The following TAF4 variants were observed in gnomAD, a reference collection of about 807,000 sequenced individuals.
TAF4 encodes transcription initiation factor TFIID subunit 4.
TAF4 carries 9 observed loss-of-function variants against 90.3 expected under a neutral mutation model. The observed-to-expected ratio is 0.10, with a 90% CI of 0.06 to 0.17. TAF4 has a LOEUF of 0.17. TAF4 is among the 10% of genes least tolerant of loss of function. The pLI, the probability that TAF4 is intolerant of heterozygous loss-of-function variation, is 1.00. For synonymous variants in TAF4, 818 were observed against 638.9 expected (o/e 1.28, Z -4.23); for missense variants, 1,351 against 1,370.7 (o/e 0.99, Z 0.23).
chr20:62,063,537 G>T (rs986590548), intron 1 of TAF4, among the ~76,000 whole-genome samples: 1 of 152,208 alleles, frequency 6.6e-6, no homozygotes, highest in Non-Finnish European at 1.5e-5. Context: ...GAGTCGCAGA[G>T]ACAGCAGACT....
rs539647190 is a variant in TAF4, at chr20:62,048,487, C to T, written c.1360+15964G>A. Among the ~76,000 whole-genome samples, 11 of 152,214 alleles carry T rather than the reference C, an allele frequency of 7.2e-5. No homozygotes were observed. In the South Asian group the frequency reaches 1.7e-3, roughly 23 times the overall value. The stretch of plus-strand genomic sequence containing the variant: ...CCTCCTGTCCCCAGGGTGGACCCTG[C>T]TCTTCCCCTAACAGAGGTGCTCCCA... On this transcript the variant is annotated intron_variant, in intron 1 of 14. Transcript: ENST00000252996.
chr20:62,059,706 A>G (rs2145522947), intron 1 of TAF4, among the ~76,000 whole-genome samples: 1 of 152,376 alleles, frequency 6.6e-6, no homozygotes, highest in Middle Eastern at 3.4e-3. Flanking sequence ...CACCCTAAAC[A>G]GCAACTGTTT....
At position 62,065,035 on chromosome 20, in the gene TAF4, G is replaced by T; in HGVS notation, c.776C>A (p.Ala259Asp). 3 of 567,174 alleles carry T rather than the reference G, an allele frequency of 5.3e-6. No individual in the cohort carries two copies. Among genetic ancestry groups the T allele is most frequent in the Non-Finnish European group, 6.6e-6 (3 of 456,400 alleles). The allele number at this position is 567,174 out of a possible 1,614,324, so 35.1% of individuals were successfully genotyped here. A position where few individuals can be genotyped will look rare whatever the true frequency, so the allele number is the denominator to read the frequency against. The change falls in exon 1 of 15, where the codon GCC (alanine) becomes GAC (aspartate). Residue 259 changes from alanine to aspartate, a missense_variant. Physicochemically the swap from Ala to Asp is moderately radical, Grantham distance 126 (BLOSUM62 -2). Around this residue, in one of 9 missense-constraint regions of TAF4, gnomAD observed 782 missense variants for 536.6 expected, o/e 1.46. Coordinates refer to ENST00000252996, the MANE Select transcript of TAF4 (RefSeq NM_003185.4). ...PPAPAAPSPP[A>D]APAPAAPAAA... ...GGCGGGGGCGGCGGGCGCGGGGGCG[G>T]CGGGGGGCGAGGGCGCGGCGGGCGC... is the stretch of plus-strand genomic sequence containing the variant.
intron 1 of TAF4, among the ~76,000 whole-genome samples, chr20:62,046,996 C>T (rs2055997147): frequency 6.6e-6 from 1 of 152,176 alleles, no homozygotes; most frequent in African/African-American, 2.4e-5. Context: ...TTCTCCAAGT[C>T]GACGGCTTGC....
intron 1 of TAF4, among the ~76,000 whole-genome samples, chr20:62,025,085 A>G (rs893060859): frequency 1.3e-5 from 2 of 152,210 alleles, no homozygotes; most frequent in Non-Finnish European, 2.9e-5. Context: ...CCTGGGCACC[A>G]CTGGTGGGAG....
chr20:62,054,287 G>A (rs539881661), intron 1 of TAF4, among the ~76,000 whole-genome samples: 1 of 152,200 alleles, frequency 6.6e-6, no homozygotes, highest in Non-Finnish European at 1.5e-5. Flanking sequence ...TTTTGGAGAA[G>A]CTGGTCACCT....
At chr20:61,999,664 C>T (rs147929959) in intron 11 of TAF4, among the ~76,000 whole-genome samples, 14 of 152,152 alleles carry the variant, frequency 9.2e-5, no homozygotes, top group Admixed American at 7.2e-4. Context: ...AAGGTAAACC[C>T]GCCAGGCATA....
intron 6 of TAF4, among the ~76,000 whole-genome samples, 158 bp downstream of exon 6, chr20:62,007,389 T>C (rs1055449288): frequency 6.6e-6 from 1 of 152,234 alleles, no homozygotes; most frequent in Non-Finnish European, 1.5e-5. Flanking sequence ...ACTAACATTC[T>C]GTCCCCAGGC....
At chr20:62,055,139 C>A (rs1256070560) in intron 1 of TAF4, among the ~76,000 whole-genome samples, 4 of 151,344 alleles carry the variant, frequency 2.6e-5, no homozygotes, top group African/African-American at 9.7e-5. Context: ...TCAATTCACA[C>A]TGCCTGCGGG....
At chr20:62,046,756 A>T (rs2055995640) in intron 1 of TAF4, among the ~76,000 whole-genome samples, 1 of 152,072 alleles carries the variant, frequency 6.6e-6, no homozygotes, top group South Asian at 2.1e-4. Context: ...GTTTAACTCC[A>T]GCTGTTTTTA....
In TAF4 at chr20:62,039,381, T is replaced by A. The variant is rs745345287; in HGVS notation, c.1361-24674A>T. On this transcript the variant is annotated intron_variant, in intron 1 of 14. Transcript: ENST00000252996. Reference sequence around the variant, plus strand: ...TCCTCAACACATAAGGCTGGCATGATTGGTAACCACAGAAAAAATGAGTCT... The same window carrying A: ...TCCTCAACACATAAGGCTGGCATGAATGGTAACCACAGAAAAAATGAGTCT... Among the ~76,000 whole-genome samples, 89 of 152,324 alleles carry A rather than the reference T, an allele frequency of 5.8e-4. 1 individual carries two copies. The highest frequency in any genetic ancestry group is 3.4e-3 in the Middle Eastern group (1 of 294).
At chr20:62,025,718 AC>A (rs1467915647) in intron 1 of TAF4, among the ~76,000 whole-genome samples, 4 of 152,072 alleles carry the variant, frequency 2.6e-5, no homozygotes, top group African/African-American at 9.7e-5. Context: ...TTTATAAGTC[AC>A]CCAGCCTTGG....
In TAF4 at chr20:62,065,771, TGAA is replaced by T. The variant is rs769786848; in HGVS notation, c.37_39del (p.Phe13del). ...ACCACTTTCTCGTCCACCTCGCTGT[TGAA>T]GAAGACCTCGTCCAGCAGATCCGAG... On this transcript the variant is annotated inframe_deletion, in exon 1 of 15. Coordinates refer to ENST00000252996, the MANE Select transcript of TAF4 (RefSeq NM_003185.4). 7.5e-7 allele frequency: 1 copy of T among 1,341,988 alleles called. No individual in the cohort carries two copies. The highest frequency in any genetic ancestry group is 9.7e-7 in the Non-Finnish European group (1 of 1,028,638). The allele number at this position is 1,341,988 out of a possible 1,614,324, so 83.1% of individuals were successfully genotyped here. A position where few individuals can be genotyped will look rare whatever the true frequency, so the allele number is the denominator to read the frequency against.
At chr20:62,035,736 C>T (rs531700782) in intron 1 of TAF4, among the ~76,000 whole-genome samples, 8 of 152,210 alleles carry the variant, frequency 5.3e-5, no homozygotes, top group African/African-American at 1.4e-4. Flanking sequence ...GAGTCCTATT[C>T]GTCAGAAGAC....
At chr20:62,008,925 C>T in intron 5 of TAF4, 127 bp downstream of exon 5, 2 of 1,318,598 alleles carry the variant, frequency 1.5e-6, no homozygotes, top group Non-Finnish European at 2.0e-6. Flanking sequence ...TCCCCTTCGC[C>T]TGCAGCCTTC....
intron 14 of TAF4, among the ~76,000 whole-genome samples, chr20:61,995,320 A>G (rs1364922724): frequency 1.3e-5 from 2 of 152,256 alleles, no homozygotes; most frequent in Non-Finnish European, 2.9e-5. Flanking sequence ...TATAAACTGT[A>G]AAAAAGAACT....
chr20:62,049,341 C>T, intron 1 of TAF4, among the ~76,000 whole-genome samples: 1 of 152,136 alleles, frequency 6.6e-6, no homozygotes, highest in Non-Finnish European at 1.5e-5. Flanking sequence ...GCATGGGAGG[C>T]GCACACAGTG....
intron 1 of TAF4, among the ~76,000 whole-genome samples, chr20:62,039,746 G>A (rs1016875315): frequency 7.2e-5 from 11 of 152,184 alleles, no homozygotes; most frequent in African/African-American, 2.7e-4. Context: ...AATTCTATCT[G>A]ATAAATTACT....
intron 1 of TAF4, among the ~76,000 whole-genome samples, chr20:62,044,012 G>A (rs187307452): frequency 2.6e-4 from 40 of 152,278 alleles, no homozygotes; most frequent in Admixed American, 1.6e-3. Flanking sequence ...CACCCTGCCT[G>A]GCCTTCCCTT....
Sources: gnomAD v4.1 joint callset for allele counts (sites outside exome capture counted in the v4.1 genomes callset) on GRCh38, gnomAD v4.1.1 for gene constraint, gnomAD v4.1.1 regional missense constraint, MANE v1.5 for transcripts, NCBI Gene and HGNC (gene_info 2026-07-23, HGNC 2026-07-21) for gene names.